CDC5L: variants seen among roughly 807,000 people sequenced by gnomAD.
CDC5L encodes cell division cycle 5 like, also known as cell division cycle 5-like protein.
A neutral mutation model predicts 104.1 loss-of-function variants in CDC5L; 18 were observed. The ratio of observed to expected loss-of-function variants is 0.17; its 90% CI spans 0.12 to 0.26. The LOEUF (loss-of-function observed/expected upper bound fraction) is 0.26. Ranked by LOEUF, CDC5L falls within the 10% of genes least tolerant of loss-of-function variation. The pLI, the probability that CDC5L is intolerant of heterozygous loss-of-function variation, is 1.00. For synonymous variants in CDC5L, 331 were observed against 322.7 expected (o/e 1.03, Z -0.28); for missense variants, 673 against 956.9 (o/e 0.70, Z 3.91).
chr6:44,430,927 A>G (rs1353508960), intron 14 of CDC5L, among the ~76,000 whole-genome samples: 3 of 152,120 alleles, frequency 2.0e-5, no homozygotes, highest in African/African-American at 7.2e-5. Context: ...CCAAGGTGGG[A>G]TGGGAGAGAA....
intron 1 of CDC5L, among the ~76,000 whole-genome samples, chr6:44,389,374 T>C (rs543763494): frequency 6.6e-4 from 101 of 152,294 alleles, no homozygotes; most frequent in African/African-American, 2.2e-3. Context: ...AAAAAGTATC[T>C]TTGATCATGG....
chr6:44,415,034 G>A (rs898111621), intron 8 of CDC5L, among the ~76,000 whole-genome samples: 9 of 152,022 alleles, frequency 5.9e-5, no homozygotes, highest in Non-Finnish European at 1.2e-4. Context: ...TGTAAAGACT[G>A]TTCTTTTCCC....
Position 44,398,313 on chromosome 6 carries a change from G to A in CDC5L, c.539+1873G>A, listed in dbSNP as rs143799129. Among the ~76,000 whole-genome samples, 77 of 152,256 alleles carry A rather than the reference G, an allele frequency of 5.1e-4. 6 individuals carry two copies. Among genetic ancestry groups the A allele is most frequent in the Non-Finnish European group, 1.3e-4 (9 of 68,014 alleles). On this transcript the variant is annotated intron_variant, in intron 5 of 15. Coordinates refer to ENST00000371477, the MANE Select transcript of CDC5L (RefSeq NM_001253.4). ...AAATCACTTTTCCATTTTTATCCAT[G>A]GTTGTAGGGGACCAAATTTTTAGAG...
chr6:44,400,608 G>A (rs1343811321), intron 5 of CDC5L, among the ~76,000 whole-genome samples: 3 of 152,142 alleles, frequency 2.0e-5, no homozygotes, highest in Non-Finnish European at 4.4e-5. Flanking sequence ...GGCTGGTCTT[G>A]TGACCTCAGA....
At chr6:44,408,231 A>G (rs980565456) in intron 7 of CDC5L, among the ~76,000 whole-genome samples, 1 of 152,098 alleles carries the variant, frequency 6.6e-6, no homozygotes, top group Non-Finnish European at 1.5e-5. Context: ...GGAATATGGA[A>G]ATTTAAAGCT....
rs556258823 is a variant in CDC5L, at chr6:44,447,947, A to G, written c.*1236A>G. 6.6e-6 allele frequency: 1 copy of G among 152,152 alleles called. No homozygotes were observed. The highest frequency in any genetic ancestry group is 2.4e-5 in the African/African-American group (1 of 41,428). 9.4% of individuals were successfully genotyped at this position (152,152 alleles called of 1,614,324 possible). A position where few individuals can be genotyped will look rare whatever the true frequency, so the allele number is the denominator to read the frequency against. ...AGTTTTAGATTCTGTGGAGGAAATT[A>G]AAGTAGGGTGATTATGAGATAGTGA... On this transcript the variant is annotated 3_prime_UTR_variant, in exon 16 of 16. Transcript: ENST00000371477.
intron 5 of CDC5L, among the ~76,000 whole-genome samples, chr6:44,400,936 A>AT (rs897866604): frequency 6.6e-6 from 1 of 152,124 alleles, no homozygotes; most frequent in African/African-American, 2.4e-5. Context: ...ATGCTTCCTG[A>AT]TATCAGTGTT....
intron 8 of CDC5L, among the ~76,000 whole-genome samples, chr6:44,410,182 T>A (rs1260149633): frequency 6.6e-6 from 1 of 152,192 alleles, no homozygotes; most frequent in Non-Finnish European, 1.5e-5. Context: ...ATTTCTCCTG[T>A]CTTACTGAAA....
chr6:44,395,133 C>T (rs11571926), intron 4 of CDC5L, among the ~76,000 whole-genome samples: 1 of 151,718 alleles, frequency 6.6e-6, no homozygotes, highest in African/African-American at 2.4e-5. Context: ...GGTGGGAGAG[C>T]GGGATTAAGA....
intron 13 of CDC5L, among the ~76,000 whole-genome samples, chr6:44,428,559 AAGGTC>A (rs1477997811): frequency 3.9e-5 from 6 of 152,128 alleles, no homozygotes; most frequent in Non-Finnish European, 2.9e-5. Context: ...CATCTGATCT[AAGGTC>A]AGCATCATCA....
chr6:44,421,042 CTT>C (rs1299320545), intron 9 of CDC5L, among the ~76,000 whole-genome samples: 2 of 152,164 alleles, frequency 1.3e-5, no homozygotes, highest in Non-Finnish European at 2.9e-5. Flanking sequence ...CGAATAAACT[CTT>C]TGTTTTGGAG....
At position 44,448,362 on chromosome 6, in the gene CDC5L, A is replaced by C. The variant is rs556387203; in HGVS notation, c.*1651A>C. On this transcript the variant is annotated 3_prime_UTR_variant, in exon 16 of 16. Coordinates refer to ENST00000371477, the MANE Select transcript of CDC5L (RefSeq NM_001253.4). ...ATGATAAGAATCGATGAGAAGATCT[A>C]AGCAAAGGAATGACATGATCAGATT... 2 of 152,358 alleles carry C rather than the reference A, an allele frequency of 1.3e-5. No homozygotes were observed. The highest frequency in any genetic ancestry group is 4.8e-5 in the African/African-American group (2 of 41,584). The allele number at this position is 152,358 out of a possible 1,614,324, so 9.4% of individuals were successfully genotyped here.
At chr6:44,432,229 G>T (rs9395017) in intron 14 of CDC5L, among the ~76,000 whole-genome samples, 29,324 of 152,090 alleles carry the variant, frequency 0.19, 4,008 homozygotes, top group East Asian at 0.7. Flanking sequence ...TTCAATTGTG[G>T]TAATTCTTTC....
chr6:44,397,064 C>T (rs1790902920), intron 5 of CDC5L, among the ~76,000 whole-genome samples: 1 of 152,212 alleles, frequency 6.6e-6, no homozygotes, highest in Non-Finnish European at 1.5e-5. Flanking sequence ...TTGATTACAT[C>T]ATTGGCCATT....
Position 44,419,576 on chromosome 6 carries a change from C to G in CDC5L, c.1220C>G (p.Thr407Arg). The G allele has an allele frequency of 6.2e-7, 1 of 1,613,546 alleles. No homozygotes were observed. Among genetic ancestry groups the G allele is most frequent in the Non-Finnish European group, 8.5e-7 (1 of 1,179,428 alleles). Reference sequence around the variant, plus strand: ...CGACAAGTTGTACAGACTCCAAACACAGTTCTCTCTACTCCATTCAGGTAT... The same window carrying G: ...CGACAAGTTGTACAGACTCCAAACAGAGTTCTCTCTACTCCATTCAGGTAT... ...PQRQVVQTPN[T>R]VLSTPFRTPS... Residue 407 changes from threonine to arginine, a missense_variant, in exon 9 of 16, where the codon ACA (threonine) becomes AGA (arginine). Transcript: ENST00000371477.
intron 14 of CDC5L, among the ~76,000 whole-genome samples, chr6:44,438,913 A>G (rs570082911): frequency 6.6e-6 from 1 of 152,220 alleles, no homozygotes; most frequent in East Asian, 1.9e-4. Flanking sequence ...TAAAGTGTAT[A>G]GTTCAGTGGC....
chr6:44,390,011 C>T (rs534524124), intron 1 of CDC5L, among the ~76,000 whole-genome samples: 44 of 152,174 alleles, frequency 2.9e-4, no homozygotes, highest in Non-Finnish European at 5.4e-4. Flanking sequence ...TTGGGCTGTT[C>T]CCACTCCCAA....
At chr6:44,406,700 A>C (rs1333911590) in intron 7 of CDC5L, among the ~76,000 whole-genome samples, 1 of 152,210 alleles carries the variant, frequency 6.6e-6, no homozygotes, top group Non-Finnish European at 1.5e-5. Flanking sequence ...TGAGGTCAGG[A>C]GTTCAAGACA....
At chr6:44,425,322 C>A (rs944306473) in intron 11 of CDC5L, among the ~76,000 whole-genome samples, 3 of 152,090 alleles carry the variant, frequency 2.0e-5, no homozygotes, top group Admixed American at 1.3e-4. Context: ...GTTCCAGAAT[C>A]TGAAAAAATC....
Sources: allele counts gnomAD v4.1 joint callset (sites outside exome capture counted in the v4.1 genomes callset), GRCh38; gene constraint gnomAD v4.1.1; transcripts MANE v1.5; gene names NCBI Gene and HGNC (gene_info 2026-07-23, HGNC 2026-07-21).